ITFG1: variants seen among roughly 807,000 people sequenced by gnomAD.
The protein encoded by ITFG1 is T-cell immunomodulatory protein.
In ITFG1, 34 loss-of-function variants were observed where a neutral mutation model predicts 81.8. The ratio of observed to expected loss-of-function variants is 0.42; its 90% CI spans 0.32 to 0.55. ITFG1 has a LOEUF of 0.55. ITFG1 is among the 20% of genes least tolerant of loss of function. The pLI is 0.17. For missense variants in ITFG1, 672 were observed against 755.4 expected (o/e 0.89, Z 1.29); for synonymous variants, 285 against 270.6 (o/e 1.05, Z -0.52).
At chr16:47,461,192 G>A (rs1969540559), upstream of ITFG1, 3 of 973,816 alleles carry the variant, frequency 3.1e-6, no homozygotes, top group East Asian at 8.0e-5. Context: ...CACTAGGGCT[G>A]CCCTTCCGAC....
In ITFG1 at chr16:47,406,226, T is replaced by A. The variant is rs552452068; in HGVS notation, c.655+22578A>T. Reference sequence around the variant, plus strand: ...TGATAACCTTATGATATCTTAAGGTTGGAGTGATTTAATTTGTATTTTTAG... The same window carrying A: ...TGATAACCTTATGATATCTTAAGGTAGGAGTGATTTAATTTGTATTTTTAG... On this transcript the variant is annotated intron_variant, in intron 6 of 17. Transcript: ENST00000320640. Among the ~76,000 whole-genome samples the A allele has an allele frequency of 2.0e-5, 3 of 152,340 alleles. No individual in the cohort carries two copies. In the East Asian group the frequency reaches 5.8e-4, roughly 29 times the overall value.
At chr16:47,356,816 C>T (rs925116184) in intron 8 of ITFG1, among the ~76,000 whole-genome samples, 8 of 152,158 alleles carry the variant, frequency 5.3e-5, no homozygotes, top group Non-Finnish European at 8.8e-5. Flanking sequence ...GGAAGTCAGA[C>T]GTGTTTGAAA....
chr16:47,280,228 T>C (rs1440059320), intron 10 of ITFG1, among the ~76,000 whole-genome samples: 1 of 152,200 alleles, frequency 6.6e-6, no homozygotes, highest in Non-Finnish European at 1.5e-5. Flanking sequence ...ACTTTCACCA[T>C]TAATTATAAG....
chr16:47,417,570 C>T (rs2034257879), intron 6 of ITFG1, among the ~76,000 whole-genome samples: 1 of 152,168 alleles, frequency 6.6e-6, no homozygotes, highest in Admixed American at 6.5e-5. Flanking sequence ...CTTCTGGTAA[C>T]TATTATTGAC....
chr16:47,313,701 TG>T (rs766839180), intron 9 of ITFG1, 27 bp downstream of exon 9: 2 of 1,246,026 alleles, frequency 1.6e-6, no homozygotes, highest in South Asian at 2.7e-5. Flanking sequence ...TAAAAAAAAA[TG>T]TTTACATTAA....
chr16:47,416,544 G>A (rs928753584), intron 6 of ITFG1, among the ~76,000 whole-genome samples: 3 of 152,200 alleles, frequency 2.0e-5, no homozygotes, highest in Admixed American at 1.3e-4. Flanking sequence ...TTGGAGGTAG[G>A]CCCTAGTGGG....
At chr16:47,335,734 G>C (rs951031882) in intron 8 of ITFG1, among the ~76,000 whole-genome samples, 2 of 152,194 alleles carry the variant, frequency 1.3e-5, no homozygotes, top group African/African-American at 4.8e-5. Context: ...AATACTAACT[G>C]TTGACAAGAA....
chr16:47,449,144 C>A (rs944306398), intron 5 of ITFG1: 3 of 152,206 alleles, frequency 2.0e-5, no homozygotes, highest in African/African-American at 7.2e-5. Context: ...TATAATTCTA[C>A]AGAAGCATTT....
chr16:47,259,937 A>ATTT (rs561470789), intron 11 of ITFG1, among the ~76,000 whole-genome samples: 4 of 140,208 alleles, frequency 2.9e-5, no homozygotes, highest in Admixed American at 7.1e-5. Context: ...TTGGCTGTAA[A>ATTT]TTTTTTTTTT....
At chr16:47,242,591 A>G (rs1965947359) in intron 12 of ITFG1, among the ~76,000 whole-genome samples, 1 of 152,202 alleles carries the variant, frequency 6.6e-6, no homozygotes, top group Non-Finnish European at 1.5e-5. Flanking sequence ...GCTGAACTTC[A>G]TTCATTATAA....
chr16:47,287,571 A>G (rs1359728946), intron 10 of ITFG1, among the ~76,000 whole-genome samples: 2 of 151,606 alleles, frequency 1.3e-5, no homozygotes, highest in Non-Finnish European at 2.9e-5. Flanking sequence ...TGGCTATTAT[A>G]AAATTTTTTT....
intron 6 of ITFG1, among the ~76,000 whole-genome samples, chr16:47,424,833 G>A (rs547809124): frequency 1.3e-5 from 2 of 152,252 alleles, no homozygotes; most frequent in South Asian, 4.2e-4. Flanking sequence ...GCACCTGCCT[G>A]TTTGAGGTGT....
chr16:47,251,002 G>A (rs1314303577), intron 12 of ITFG1, among the ~76,000 whole-genome samples: 7 of 152,200 alleles, frequency 4.6e-5, no homozygotes, highest in Admixed American at 4.6e-4. Flanking sequence ...TAAAGTGGGG[G>A]ATTTGCTGGT....
At chr16:47,249,875 G>A (rs1025823048) in intron 12 of ITFG1, among the ~76,000 whole-genome samples, 4 of 152,154 alleles carry the variant, frequency 2.6e-5, no homozygotes, top group African/African-American at 7.2e-5. Context: ...CAATAATCGT[G>A]CATAAATACT....
chr16:47,301,818 C>A (rs1012808239), intron 10 of ITFG1, among the ~76,000 whole-genome samples: 17 of 152,310 alleles, frequency 1.1e-4, no homozygotes, highest in African/African-American at 3.8e-4. Flanking sequence ...TTATTTCCAA[C>A]AACCTATTCA....
intron 5 of ITFG1, among the ~76,000 whole-genome samples, chr16:47,434,563 G>C (rs1969141371): frequency 6.6e-6 from 1 of 152,146 alleles, no homozygotes; most frequent in South Asian, 2.1e-4. Context: ...ATTCTGGCAA[G>C]GTTGTGGAGA....
chr16:47,294,221 T>A (rs1162533802), intron 10 of ITFG1, among the ~76,000 whole-genome samples: 3 of 152,126 alleles, frequency 2.0e-5, no homozygotes, highest in Non-Finnish European at 2.9e-5. Flanking sequence ...GATCTATGTG[T>A]CTATTTTACT....
intron 14 of ITFG1, among the ~76,000 whole-genome samples, chr16:47,179,618 C>T (rs1189255891): frequency 6.6e-6 from 1 of 150,564 alleles, no homozygotes; most frequent in South Asian, 2.1e-4. Context: ...TAAAATATAC[C>T]TTCATAAAGT....
chr16:47,287,399 AT>A (rs967662696), intron 10 of ITFG1, among the ~76,000 whole-genome samples: 82 of 150,640 alleles, frequency 5.4e-4, no homozygotes, highest in African/African-American at 1.9e-3. Flanking sequence ...CAACTGCTCT[AT>A]TTTTTTTTCT....
Sources: gnomAD v4.1 joint callset for allele counts (sites outside exome capture counted in the v4.1 genomes callset) on GRCh38, gnomAD v4.1.1 for gene constraint, MANE v1.5 for transcripts, NCBI Gene and HGNC (gene_info 2026-07-23, HGNC 2026-07-21) for gene names.